ESRRG: variants seen among roughly 807,000 people sequenced by gnomAD.
The protein encoded by ESRRG is estrogen related receptor gamma, also known as estrogen-related receptor gamma.
Under a neutral mutation model 44.0 loss-of-function variants are expected in ESRRG, and 13 were observed. The observed-to-expected ratio is 0.30, with a 90% CI of 0.19 to 0.47. ESRRG has a LOEUF of 0.47. ESRRG is among the 20% of genes least tolerant of loss of function. ESRRG has a pLI of 1.00. For synonymous variants in ESRRG, 215 were observed against 214.6 expected (o/e 1.00, Z -0.02); for missense variants, 395 against 580.6 (o/e 0.68, Z 3.29).
At chr1:217,025,807 G>A (rs1203028181) in intron 1 of ESRRG, among the ~76,000 whole-genome samples, 4 of 152,152 alleles carry the variant, frequency 2.6e-5, no homozygotes, top group African/African-American at 9.7e-5. Context: ...CCCTGCCAAT[G>A]TCCTAGGAAG....
chr1:217,016,651 T>C (rs1221169984), intron 1 of ESRRG, among the ~76,000 whole-genome samples: 1 of 152,176 alleles, frequency 6.6e-6, no homozygotes, highest in Non-Finnish European at 1.5e-5. Context: ...TACTTATAAA[T>C]GATTTACCTA....
At chr1:216,525,522 GTTA>G (rs2149025049) in intron 5 of ESRRG, among the ~76,000 whole-genome samples, 1 of 70,994 alleles carries the variant, frequency 1.4e-5, no homozygotes, top group Non-Finnish European at 2.5e-5. Context: ...GCTGCCTTAA[GTTA>G]AAGAGGGAAA....
At chr1:216,829,589 C>T (rs1324480233) in intron 2 of ESRRG, among the ~76,000 whole-genome samples, 1 of 148,294 alleles carries the variant, frequency 6.7e-6, no homozygotes, top group African/African-American at 2.5e-5. Context: ...GAGTCTCACT[C>T]TGTTGCCCAG....
intron 1 of ESRRG, among the ~76,000 whole-genome samples, chr1:216,969,623 T>C (rs927893406): frequency 6.6e-6 from 1 of 152,186 alleles, no homozygotes; most frequent in African/African-American, 2.4e-5. Flanking sequence ...TTCGCTTTTG[T>C]TGCCCAGGCT....
chr1:216,714,178 T>C (rs919442726), intron 1 of ESRRG, among the ~76,000 whole-genome samples: 1 of 152,102 alleles, frequency 6.6e-6, no homozygotes, highest in Non-Finnish European at 1.5e-5. Context: ...TCAACTAGAA[T>C]GCACTACAAA....
chr1:216,697,214 C>T (rs547993855), intron 1 of ESRRG, among the ~76,000 whole-genome samples: 1 of 152,158 alleles, frequency 6.6e-6, no homozygotes, highest in Non-Finnish European at 1.5e-5. Context: ...GATCCACCCG[C>T]CTTGGCCTCC....
intron 2 of ESRRG, among the ~76,000 whole-genome samples, chr1:216,837,965 G>A (rs11117691): frequency 2.6e-5 from 4 of 152,094 alleles, no homozygotes; most frequent in Non-Finnish European, 5.9e-5. Context: ...CCAAAATATG[G>A]ATATAAATGA....
chr1:216,747,160 T>G (rs1051986715), intron 2 of ESRRG, among the ~76,000 whole-genome samples: 42 of 152,308 alleles, frequency 2.8e-4, no homozygotes, highest in African/African-American at 9.1e-4. Context: ...TAAATGATGT[T>G]AGTTTTCCAG....
At chr1:216,881,318 C>T (rs557568930) in intron 2 of ESRRG, among the ~76,000 whole-genome samples, 6 of 152,198 alleles carry the variant, frequency 3.9e-5, no homozygotes, top group East Asian at 1.9e-4. Context: ...TCAAATATAG[C>T]GTCCTCATCT....
chr1:217,060,900 T>A (rs2088293479), intron 1 of ESRRG, among the ~76,000 whole-genome samples: 1 of 152,048 alleles, frequency 6.6e-6, no homozygotes, highest in South Asian at 2.1e-4. Context: ...ACAGGAATCT[T>A]CTTGAGATTG....
At chr1:216,952,714 T>C (rs1458339281) in intron 1 of ESRRG, among the ~76,000 whole-genome samples, 1 of 152,102 alleles carries the variant, frequency 6.6e-6, no homozygotes, top group African/African-American at 2.4e-5. Context: ...AAAGGGTTAT[T>C]TTTTCTTAGT....
At chr1:216,816,931 T>C (rs930922167) in intron 2 of ESRRG, among the ~76,000 whole-genome samples, 8 of 152,186 alleles carry the variant, frequency 5.3e-5, no homozygotes, top group Non-Finnish European at 1.2e-4. Flanking sequence ...TTCCTTAAAC[T>C]TTCAGTAACC....
chr1:216,647,710 A>G (rs2067946126), intron 3 of ESRRG, among the ~76,000 whole-genome samples: 1 of 152,224 alleles, frequency 6.6e-6, no homozygotes, highest in South Asian at 2.1e-4. Flanking sequence ...TAGAAATGCC[A>G]GTCAATAAAG....
intron 1 of ESRRG, among the ~76,000 whole-genome samples, chr1:216,943,953 CT>C (rs1166674011): frequency 2.6e-5 from 4 of 152,110 alleles, no homozygotes; most frequent in Non-Finnish European, 4.4e-5. Context: ...CAGCTCCCCC[CT>C]GCCAGGAAAC....
intron 1 of ESRRG, among the ~76,000 whole-genome samples, chr1:216,944,927 T>C (rs1185005932): frequency 6.6e-6 from 1 of 152,140 alleles, no homozygotes; most frequent in Non-Finnish European, 1.5e-5. Flanking sequence ...AGTTGGAGAA[T>C]AACACACTGC....
At chr1:216,797,001 C>T (rs535115833) in intron 2 of ESRRG, among the ~76,000 whole-genome samples, 3 of 152,236 alleles carry the variant, frequency 2.0e-5, no homozygotes, top group African/African-American at 7.2e-5. Flanking sequence ...AAGCGATTCT[C>T]CTCCCTCAGC....
intron 1 of ESRRG, among the ~76,000 whole-genome samples, chr1:216,969,244 T>A (rs1299077204): frequency 6.6e-6 from 1 of 152,144 alleles, no homozygotes; most frequent in Non-Finnish European, 1.5e-5. Flanking sequence ...GTGAGGAGAA[T>A]AAATGTAAAC....
intron 1 of ESRRG, among the ~76,000 whole-genome samples, chr1:216,972,713 TAGTC>T (rs1485571676): frequency 6.6e-6 from 1 of 152,174 alleles, no homozygotes; most frequent in East Asian, 1.9e-4. Flanking sequence ...TGCATACGCT[TAGTC>T]AGAGTATTTA....
At chr1:216,880,114 C>T (rs2096419622) in intron 2 of ESRRG, among the ~76,000 whole-genome samples, 1 of 151,460 alleles carries the variant, frequency 6.6e-6, no homozygotes, top group Non-Finnish European at 1.5e-5. Flanking sequence ...TTGAGACCAG[C>T]CTGACCAACA....
Sources: gnomAD v4.1 joint callset for allele counts (sites outside exome capture counted in the v4.1 genomes callset) on GRCh38, gnomAD v4.1.1 for gene constraint, MANE v1.5 for transcripts, NCBI Gene and HGNC (gene_info 2026-07-23, HGNC 2026-07-21) for gene names.